ROGDI: variants seen among roughly 807,000 people sequenced by gnomAD.
ROGDI encodes protein rogdi homolog.
A neutral mutation model predicts 43.1 loss-of-function variants in ROGDI; 46 were observed. The ratio of observed to expected loss-of-function variants is 1.07; its 90% CI spans 0.84 to 1.37. The LOEUF (loss-of-function observed/expected upper bound fraction) is 1.37, where lower values mean the gene tolerates loss of function less well. ROGDI is among the 40% of genes most tolerant of loss of function. The pLI, the probability that ROGDI is intolerant of heterozygous loss-of-function variation, is 0.00. For missense variants in ROGDI, 518 were observed against 383.9 expected (o/e 1.35, Z -2.92); for synonymous variants, 243 against 162.0 (o/e 1.50, Z -3.80).
Position 4,798,697 on chromosome 16 carries a change from T to A in ROGDI, c.433-30A>T, listed in dbSNP as rs1180512987. On this transcript the variant is annotated intron_variant, in intron 6 of 10. Coordinates refer to ENST00000322048, the MANE Select transcript of ROGDI (RefSeq NM_024589.3). ...AGGGAGAGGCGGGGTTGGCTCTGCG[T>A]CCTCCCGTGTCCCCATGCATTAAGG... The A allele has an allele frequency of 1.8e-5, 27 of 1,494,542 alleles. No homozygotes were observed. The Admixed American group carries it at 4.6e-4, about 25-fold the overall frequency. The allele number at this position is 1,494,542 out of a possible 1,614,324, so 92.6% of individuals were successfully genotyped here.
intron 4 of ROGDI, 73 bp from the exon 5 acceptor site, chr16:4,800,651 C>A (rs1567602186): frequency 3.1e-6 from 4 of 1,270,736 alleles, no homozygotes; most frequent in Non-Finnish European, 4.5e-6. Context: ...AGCCCTTAAG[C>A]CCAGGGCAGA....
At chr16:4,799,838 A>G (rs767635853) in intron 5 of ROGDI, 57 bp from the exon 6 acceptor site, 2 of 1,276,318 alleles carry the variant, frequency 1.6e-6, no homozygotes, top group East Asian at 4.9e-5. Flanking sequence ...CCAGGAGGGG[A>G]GAGTGGGTGC....
At chr16:4,798,243 G>A (rs557455602) in intron 7 of ROGDI, 59 bp from the exon 8 acceptor site, 30 of 1,410,846 alleles carry the variant, frequency 2.1e-5, no homozygotes, top group African/African-American at 1.3e-4. Context: ...TGGATGGAGC[G>A]GGGCTCTGCA....
chr16:4,798,806 TAAAGAC>T, intron 6 of ROGDI, 139 bp from the exon 7 acceptor site: 2 of 688,236 alleles, frequency 2.9e-6, no homozygotes, highest in East Asian at 2.8e-5. Flanking sequence ...AGGGACCTGT[TAAAGAC>T]AGGTAGTTGG....
chr16:4,799,642 G>C (rs770925877), intron 6 of ROGDI, 44 bp downstream of exon 6: 3 of 1,465,722 alleles, frequency 2.0e-6, no homozygotes, highest in African/African-American at 1.4e-5. Context: ...TCCGGATCAA[G>C]AACGTGGGAC....
At chr16:4,800,313 C>A (rs1324999777) in intron 5 of ROGDI, among the ~76,000 whole-genome samples, 185 bp downstream of exon 5, 1 of 152,208 alleles carries the variant, frequency 6.6e-6, no homozygotes, top group Non-Finnish European at 1.5e-5. Flanking sequence ...TCTCTACCTC[C>A]CCACATGGCG....
chr16:4,801,428 CA>C, intron 3 of ROGDI, 74 bp downstream of exon 3: 1 of 1,559,234 alleles, frequency 6.4e-7, no homozygotes, highest in Non-Finnish European at 8.7e-7. Flanking sequence ...AGCTGGTCTG[CA>C]GGACAGGGCT....
chr16:4,800,070 G>C (rs954444762), intron 5 of ROGDI, among the ~76,000 whole-genome samples: 1 of 152,196 alleles, frequency 6.6e-6, no homozygotes, highest in African/African-American at 2.4e-5. Flanking sequence ...CAAGGCAGGG[G>C]CAAGGGTGCT....
At position 4,797,793 on chromosome 16, in the gene ROGDI, T is replaced by G; in HGVS notation, c.743A>C (p.Glu248Ala). 2 of 1,613,480 alleles carry G rather than the reference T, an allele frequency of 1.2e-6. No individual in the cohort carries two copies. The highest frequency in any genetic ancestry group is 1.7e-6 in the Non-Finnish European group (2 of 1,179,956). The change falls in exon 10 of 11, where the codon GAG (glutamate) becomes GCG (alanine). Residue 248 changes from glutamate to alanine, a missense_variant. Physicochemically the swap from Glu to Ala is moderately radical, Grantham distance 107. Transcript: ENST00000322048. ...GTCGTTGAGCCAGGGGATCACGCACTCCACTTTGTGCACGTGGCTCACCTC... is the reference window on the plus strand; with the variant it reads ...GTCGTTGAGCCAGGGGATCACGCACGCCACTTTGTGCACGTGGCTCACCTC... ...RLEVSHVHKV[E>A]CVIPWLNDAL...
chr16:4,797,674 G>C, intron 10 of ROGDI, 40 bp downstream of exon 10: 1 of 989,808 alleles, frequency 1.0e-6, no homozygotes, highest in East Asian at 3.6e-5. Context: ...AGGACCCTTA[G>C]AAGTCCTTCC....
In ROGDI at chr16:4,801,671, G is replaced by C. The variant is rs146480659; in HGVS notation, c.118-86C>G. ...CTTCCAGAAGCCCCCCTCCCTCCAA[G>C]TCAGCGGGGGGAAGGAACAACGTGG... On this transcript the variant is annotated intron_variant, in intron 2 of 10. Transcript: ENST00000322048. The C allele has an allele frequency of 3.6e-3, 4,584 of 1,269,756 alleles. 133 individuals carry two copies. The African/African-American group carries it at 0.061, about 17-fold the overall frequency. The allele number at this position is 1,269,756 out of a possible 1,614,324, so 78.7% of individuals were successfully genotyped here. A position where few individuals can be genotyped will look rare whatever the true frequency, so the allele number is the denominator to read the frequency against.
chr16:4,798,900 T>A (rs1596275860), intron 6 of ROGDI: 2 of 544,732 alleles, frequency 3.7e-6, no homozygotes, highest in African/African-American at 2.0e-5. Flanking sequence ...TGCACGGGGA[T>A]CCTGGGTGCT....
At chr16:4,800,646 T>C in intron 4 of ROGDI, 68 bp from the exon 5 acceptor site, 1 of 1,317,944 alleles carries the variant, frequency 7.6e-7, no homozygotes, top group Non-Finnish European at 1.1e-6. Flanking sequence ...CTCTGAGCCC[T>C]TAAGCCCAGG....
chr16:4,800,609 G>C (rs986321644), intron 4 of ROGDI, 31 bp from the exon 5 acceptor site: 11 of 1,521,936 alleles, frequency 7.2e-6, no homozygotes, highest in Non-Finnish European at 9.8e-6. Context: ...GAGCTGGGCA[G>C]TGGGGGGGCA....
intron 2 of ROGDI, 105 bp downstream of exon 2, chr16:4,802,277 C>T (rs1213050790): frequency 6.5e-6 from 7 of 1,080,442 alleles, no homozygotes; most frequent in East Asian, 2.7e-5. Flanking sequence ...CCGCGGCAGC[C>T]GCACACTGTA....
chr16:4,802,142 G>A (rs548630385), intron 2 of ROGDI: 4 of 655,704 alleles, frequency 6.1e-6, no homozygotes, highest in South Asian at 3.0e-5. Flanking sequence ...GGCCTTCCCC[G>A]ACCCGAGGCC....
chr16:4,798,021 G>A lies in ROGDI; in HGVS notation c.646-34C>T, dbSNP rs780989195. 13 of 1,613,574 alleles carry A rather than the reference G, an allele frequency of 8.1e-6. No homozygotes were observed. The East Asian group carries it at 2.9e-4, about 36-fold the overall frequency. ...AACAGCACCAGACCCGTCAGGCCTT[G>A]CAGGGCGTGTGCATGGCGGGCAGTG... On this transcript the variant is annotated intron_variant, in intron 8 of 10. Transcript: ENST00000322048.
At chr16:4,800,431 G>A in intron 5 of ROGDI, 67 bp downstream of exon 5, 2 of 1,292,494 alleles carry the variant, frequency 1.5e-6, no homozygotes, top group Admixed American at 2.0e-5. Context: ...TCTCCAGGGA[G>A]GCCCCGCGGC....
rs941485363 is a variant in ROGDI, at chr16:4,800,479, C to A, written c.336+19G>T. 2.6e-6 allele frequency: 4 copies of A among 1,548,720 alleles called. No homozygotes were observed. Among genetic ancestry groups the A allele is most frequent in the Admixed American group, 2.0e-5 (1 of 51,060 alleles). On this transcript the variant is annotated intron_variant, in intron 5 of 10. Transcript: ENST00000322048. ...GCCTGTCCTTGTGGCTGAGCACTAG[C>A]CAGGAGGGGCGGGGTCACCTGCTGC... is the stretch of plus-strand genomic sequence containing the variant.
Sources: gnomAD v4.1 joint callset for allele counts (sites outside exome capture counted in the v4.1 genomes callset) on GRCh38, gnomAD v4.1.1 for gene constraint, MANE v1.5 for transcripts, NCBI Gene and HGNC (gene_info 2026-07-23, HGNC 2026-07-21) for gene names.